The following SPRED1 variants were observed in gnomAD, a reference collection of about 807,000 sequenced individuals.
SPRED1 encodes sprouty related EVH1 domain containing 1.
Under a neutral mutation model 52.3 loss-of-function variants are expected in SPRED1, and 18 were observed. The observed-to-expected ratio is 0.34, with a 90% CI of 0.24 to 0.51. SPRED1 has a LOEUF of 0.51. Ranked by LOEUF, SPRED1 falls within the 20% of genes least tolerant of loss-of-function variation. SPRED1 has a pLI of 0.97. For synonymous variants in SPRED1, 155 were observed against 179.7 expected, an observed-to-expected ratio of 0.86 and a Z score of 1.10; for missense variants, 485 against 551.0, an observed-to-expected ratio of 0.88 and a Z score of 1.20.
At chr15:38,260,875 G>A (rs1010306439) in intron 1 of SPRED1, among the ~76,000 whole-genome samples, 6 of 152,160 alleles carry the variant, frequency 3.9e-5, no homozygotes, top group African/African-American at 1.4e-4. Flanking sequence ...AATAGGAAGA[G>A]TAAGAAACAT....
At chr15:38,284,876 C>A (rs1347744247) in intron 1 of SPRED1, among the ~76,000 whole-genome samples, 1 of 149,628 alleles carries the variant, frequency 6.7e-6, no homozygotes, top group East Asian at 1.9e-4. Context: ...TTTTTTAAAC[C>A]TATTTGTGGG....
intron 5 of SPRED1, among the ~76,000 whole-genome samples, chr15:38,340,419 A>G (rs1896004095): frequency 6.6e-6 from 1 of 152,236 alleles, no homozygotes; most frequent in South Asian, 2.1e-4. Context: ...ATACATATAC[A>G]TACATATATG....
At chr15:38,274,825 T>G (rs893836037) in intron 1 of SPRED1, among the ~76,000 whole-genome samples, 18 of 152,352 alleles carry the variant, frequency 1.2e-4, no homozygotes, top group Admixed American at 2.0e-4. Flanking sequence ...TGTTCCTAAA[T>G]TCAACTTACA....
At chr15:38,265,033 G>C (rs1443563636) in intron 1 of SPRED1, among the ~76,000 whole-genome samples, 1 of 152,152 alleles carries the variant, frequency 6.6e-6, no homozygotes, top group African/African-American at 2.4e-5. Flanking sequence ...GTCATTTATG[G>C]GATTTTGTAG....
intron 4 of SPRED1, among the ~76,000 whole-genome samples, chr15:38,337,309 T>C (rs1321443545): frequency 1.3e-5 from 2 of 152,198 alleles, no homozygotes; most frequent in Non-Finnish European, 2.9e-5. Flanking sequence ...GGATTCTCTA[T>C]AATGTTAATT....
intron 1 of SPRED1, among the ~76,000 whole-genome samples, chr15:38,290,481 TTA>T (rs1297884092): frequency 6.6e-6 from 1 of 152,214 alleles, no homozygotes; most frequent in African/African-American, 2.4e-5. Context: ...GATGTCTGCA[TTA>T]TATAAACAGT....
chr15:38,263,650 C>T (rs111780838), intron 1 of SPRED1, among the ~76,000 whole-genome samples: 2 of 152,020 alleles, frequency 1.3e-5, no homozygotes, highest in East Asian at 1.9e-4. Context: ...AGGATATAAC[C>T]GTTAGGATGT....
chr15:38,313,621 A>C (rs1352181729), intron 2 of SPRED1, among the ~76,000 whole-genome samples: 1 of 151,204 alleles, frequency 6.6e-6, no homozygotes, highest in African/African-American at 2.4e-5. Context: ...ACATTATATT[A>C]TATTATCTGT....
At chr15:38,337,868 C>T (rs962045532) in intron 4 of SPRED1, among the ~76,000 whole-genome samples, 1 of 151,734 alleles carries the variant, frequency 6.6e-6, no homozygotes, top group African/African-American at 2.4e-5. Flanking sequence ...TTATAGTTTT[C>T]AGTCTCCTGA....
chr15:38,354,299 C>G lies in SPRED1; in HGVS notation c.*2635C>G, dbSNP rs546662922. On this transcript the variant is annotated 3_prime_UTR_variant, in exon 7 of 7. Coordinates refer to ENST00000299084, the MANE Select transcript of SPRED1 (RefSeq NM_152594.3). Reference sequence around the variant, plus strand: ...TCGGCACTGCCAATTGGCTTTTCCTCTAAAACTTTTCTTTGTTTTTATCTG... The same window carrying G: ...TCGGCACTGCCAATTGGCTTTTCCTGTAAAACTTTTCTTTGTTTTTATCTG... 1 of 152,298 alleles carries G rather than the reference C, an allele frequency of 6.6e-6. No individual in the cohort carries two copies. The highest frequency in any genetic ancestry group is 2.1e-4 in the South Asian group (1 of 4,822). 9.4% of individuals were successfully genotyped at this position (152,298 alleles called of 1,614,324 possible).
chr15:38,346,383 T>G (rs1212219714), intron 5 of SPRED1, among the ~76,000 whole-genome samples: 1 of 152,168 alleles, frequency 6.6e-6, no homozygotes, highest in Non-Finnish European at 1.5e-5. Flanking sequence ...GAAGCCATTA[T>G]AGTTCTTTAA....
intron 2 of SPRED1, among the ~76,000 whole-genome samples, chr15:38,312,103 T>C (rs1895380533): frequency 6.6e-6 from 1 of 152,176 alleles, no homozygotes; most frequent in South Asian, 2.1e-4. Flanking sequence ...ATACATACTT[T>C]TTTGTTTAAC....
At chr15:38,264,112 T>G (rs1034770693) in intron 1 of SPRED1, among the ~76,000 whole-genome samples, 42 of 152,220 alleles carry the variant, frequency 2.8e-4, no homozygotes, top group Non-Finnish European at 1.0e-4. Flanking sequence ...TAGGACAGTC[T>G]ATCAAATTGT....
At chr15:38,294,095 G>A (rs372081731) in intron 1 of SPRED1, among the ~76,000 whole-genome samples, 6 of 152,258 alleles carry the variant, frequency 3.9e-5, no homozygotes, top group African/African-American at 1.4e-4. Flanking sequence ...ATTCTACATA[G>A]TTTAGAAAGC....
intron 1 of SPRED1, among the ~76,000 whole-genome samples, chr15:38,276,356 G>A (rs985079609): frequency 1.3e-5 from 2 of 151,702 alleles, no homozygotes; most frequent in African/African-American, 4.8e-5. Flanking sequence ...ATGCGGAAGT[G>A]TTATATATAT....
rs1040721445 is a variant in SPRED1, at chr15:38,355,413, C to T, written c.*3749C>T. On this transcript the variant is annotated 3_prime_UTR_variant, in exon 7 of 7. Coordinates refer to ENST00000299084, the MANE Select transcript of SPRED1 (RefSeq NM_152594.3). ...TCATGTGTATAGTGCCATCTGATAT[C>T]TTGGGTAAGTCTTGCTTTTTCTTTT... 3 of 152,146 alleles carry T rather than the reference C, an allele frequency of 2.0e-5. No homozygotes were observed. The highest frequency in any genetic ancestry group is 6.5e-5 in the Admixed American group (1 of 15,280). The allele number at this position is 152,146 out of a possible 1,614,324, so 9.4% of individuals were successfully genotyped here. A position where few individuals can be genotyped will look rare whatever the true frequency, so the allele number is the denominator to read the frequency against.
chr15:38,270,042 G>A (rs568205100), intron 1 of SPRED1, among the ~76,000 whole-genome samples: 2 of 151,652 alleles, frequency 1.3e-5, no homozygotes, highest in South Asian at 4.2e-4. Flanking sequence ...CGAGTAGCTG[G>A]GATTAAAGAC....
chr15:38,349,755 T>C (rs960428879), intron 6 of SPRED1, among the ~76,000 whole-genome samples: 4 of 152,232 alleles, frequency 2.6e-5, no homozygotes, highest in Non-Finnish European at 4.4e-5. Context: ...AAAGGAATTA[T>C]ATATTGTTAA....
At chr15:38,322,056 T>C (rs140151387) in intron 2 of SPRED1, among the ~76,000 whole-genome samples, 185 bp from the exon 3 acceptor site, 2 of 152,346 alleles carry the variant, frequency 1.3e-5, no homozygotes, top group African/African-American at 4.8e-5. Context: ...GTTTATAATG[T>C]GCATTTTTTT....
Sources: allele counts gnomAD v4.1 joint callset (sites outside exome capture counted in the v4.1 genomes callset), GRCh38; gene constraint gnomAD v4.1.1; transcripts MANE v1.5; gene names NCBI Gene and HGNC (gene_info 2026-07-23, HGNC 2026-07-21).